TSC22D2: variants seen among roughly 807,000 people sequenced by gnomAD.
TSC22D2 encodes TSC22 domain family protein 2.
TSC22D2 carries 5 observed loss-of-function variants against 50.1 expected under a neutral mutation model. That is an observed-to-expected ratio of 0.10 (90% CI 0.05 to 0.21). The LOEUF (loss-of-function observed/expected upper bound fraction) is 0.21. Ranked by LOEUF, TSC22D2 falls within the 10% of genes least tolerant of loss-of-function variation. TSC22D2 has a pLI of 1.00. For missense variants in TSC22D2, 1,003 were observed against 1,015.5 expected (o/e 0.99, Z 0.17); for synonymous variants, 501 against 450.1 (o/e 1.11, Z -1.43).
chr3:150,435,978 A>G (rs1720526958), intron 1 of TSC22D2, among the ~76,000 whole-genome samples: 1 of 152,170 alleles, frequency 6.6e-6, no homozygotes, highest in Non-Finnish European at 1.5e-5. Context: ...TTTGAAGGGT[A>G]TCTGGTTAAT....
Position 150,462,207 on chromosome 3 carries a change from C to G in TSC22D2, c.*3571C>G, listed in dbSNP as rs1296502847. 1.3e-5 allele frequency: 2 copies of G among 152,076 alleles called. No homozygotes were observed. Among genetic ancestry groups the G allele is most frequent in the East Asian group, 1.9e-4 (1 of 5,180 alleles). 9.4% of individuals were successfully genotyped at this position (152,076 alleles called of 1,614,324 possible). A position where few individuals can be genotyped will look rare whatever the true frequency, so the allele number is the denominator to read the frequency against. On this transcript the variant is annotated 3_prime_UTR_variant, in exon 3 of 3. Coordinates refer to ENST00000688009, the MANE Select transcript of TSC22D2 (RefSeq NM_001303264.2). ...CATAAGAGCCAGAGGGAAGGGTGTT[C>G]CAAGCACAAGAAAAGAGAACTCAAT...
intron 1 of TSC22D2, among the ~76,000 whole-genome samples, chr3:150,452,468 T>C (rs11928577): frequency 0.15 from 22,629 of 151,352 alleles, 1,873 homozygotes; most frequent in Non-Finnish European, 0.2. Flanking sequence ...GAGAGAGAGA[T>C]TAAATTAGAT....
At chr3:150,428,816 T>G (rs1440004576) in intron 1 of TSC22D2, among the ~76,000 whole-genome samples, 1 of 152,174 alleles carries the variant, frequency 6.6e-6, no homozygotes, top group Admixed American at 6.5e-5. Flanking sequence ...CAGGGGTATT[T>G]CAACAGGCAG....
rs908714497 is a variant in TSC22D2, at chr3:150,463,738, C to T, written c.*5102C>T. 3 of 152,160 alleles carry T rather than the reference C, an allele frequency of 2.0e-5. No individual in the cohort carries two copies. The highest frequency in any genetic ancestry group is 6.5e-5 in the Admixed American group (1 of 15,270). 9.4% of individuals were successfully genotyped at this position (152,160 alleles called of 1,614,324 possible). A position where few individuals can be genotyped will look rare whatever the true frequency, so the allele number is the denominator to read the frequency against. The stretch of plus-strand genomic sequence containing the variant: ...AGACATTCTTGCTTGCCCACCACCC[C>T]CCCGAACCCCGCCATGGAATCATCA... On this transcript the variant is annotated 3_prime_UTR_variant, in exon 3 of 3. Coordinates refer to ENST00000688009, the MANE Select transcript of TSC22D2 (RefSeq NM_001303264.2).
intron 1 of TSC22D2, among the ~76,000 whole-genome samples, chr3:150,412,286 T>C (rs926919727): frequency 2.0e-5 from 3 of 152,192 alleles, no homozygotes; most frequent in African/African-American, 7.2e-5. Flanking sequence ...TTAAAAATTA[T>C]AGAAAAAGTT....
At position 150,409,941 on chromosome 3, in the gene TSC22D2, A is replaced by T; in HGVS notation, c.591A>T (p.Arg197Ser). 6.2e-7 allele frequency: 1 copy of T among 1,613,976 alleles called. No homozygotes were observed. The highest frequency in any genetic ancestry group is 1.1e-5 in the South Asian group (1 of 91,088). The change falls in exon 1 of 3, where the codon AGA becomes AGT. Residue 197 changes from arginine to serine, a missense_variant. Around this residue, in one of 6 missense-constraint regions of TSC22D2, gnomAD observed 696 missense variants for 647.8 expected, o/e 1.07. Coordinates refer to ENST00000688009, the MANE Select transcript of TSC22D2 (RefSeq NM_001303264.2). This position sits in a 1 kb window ranked among gnomAD's most constrained non-coding sequence, Gnocchi z 7.4. ...ATTCAGACAGCAGCGTCCTGACTAGATCCGGGGATTGCATTAGACACAGCA... is the reference window on the plus strand; with the variant it reads ...ATTCAGACAGCAGCGTCCTGACTAGTTCCGGGGATTGCATTAGACACAGCA... ...ERDSDSSVLT[R>S]SGDCIRHSST...
chr3:150,410,297 G>T lies in TSC22D2; in HGVS notation c.947G>T (p.Gly316Val), dbSNP rs751254071. The T allele has an allele frequency of 1.9e-6, 3 of 1,565,278 alleles. No homozygotes were observed. The highest frequency in any genetic ancestry group is 2.6e-6 in the Non-Finnish European group (3 of 1,155,392). ...MAAAQPSQPQGAGPGGQTLPP... is the reference protein window; with the variant it reads ...MAAAQPSQPQVAGPGGQTLPP... ...GCCGCGCAGCCCAGCCAGCCCCAGG[G>T]AGCGGGGCCCGGGGGACAGACTCTG... The change falls in exon 1 of 3, where the codon GGA (glycine) becomes GTA (valine). Residue 316 changes from glycine to valine, a missense_variant. Transcript: ENST00000688009.
chr3:150,422,740 A>G (rs1233897481), intron 1 of TSC22D2, among the ~76,000 whole-genome samples: 1 of 152,222 alleles, frequency 6.6e-6, no homozygotes, highest in Non-Finnish European at 1.5e-5. Context: ...AGTGTTGATT[A>G]GGCTATGAAT....
At chr3:150,447,933 G>T (rs1323378495) in intron 1 of TSC22D2, among the ~76,000 whole-genome samples, 1 of 152,094 alleles carries the variant, frequency 6.6e-6, no homozygotes, top group Non-Finnish European at 1.5e-5. Context: ...CCCTTGGTAT[G>T]TATTATTCAC....
intron 1 of TSC22D2, among the ~76,000 whole-genome samples, chr3:150,411,528 G>C (rs543815586): frequency 1.5e-4 from 23 of 152,240 alleles, no homozygotes; most frequent in Admixed American, 3.3e-4. Flanking sequence ...AAAATGGGTA[G>C]GGATGCAACA....
At chr3:150,449,738 A>G (rs547983883) in intron 1 of TSC22D2, among the ~76,000 whole-genome samples, 2 of 152,252 alleles carry the variant, frequency 1.3e-5, no homozygotes, top group Admixed American at 1.3e-4. Context: ...AAGATGAATG[A>G]TTGCTGGCTC....
At chr3:150,414,685 AT>A (rs1263049114) in intron 1 of TSC22D2, among the ~76,000 whole-genome samples, 1 of 152,124 alleles carries the variant, frequency 6.6e-6, no homozygotes, top group East Asian at 1.9e-4. Flanking sequence ...ATAAATACAC[AT>A]TTTGTTTGTA....
In TSC22D2 at chr3:150,410,714, C is replaced by T; in HGVS notation, c.1364C>T (p.Thr455Ile). ...QGGQVAPCQP[T>I]GVPPATVGGV... is the part of the protein sequence containing the mutation. ...GGGCAGGTCGCGCCTTGTCAGCCGA[C>T]TGGAGTGCCCCCGGCTACTGTGGGA... The change falls in exon 1 of 3, where the codon ACT becomes ATT. Residue 455 changes from threonine to isoleucine, a missense_variant. Physicochemically the swap from Thr to Ile is moderately conservative, Grantham distance 89. Transcript: ENST00000688009. 1 of 1,585,430 alleles carries T rather than the reference C, an allele frequency of 6.3e-7. No individual in the cohort carries two copies. Among genetic ancestry groups the T allele is most frequent in the East Asian group, 2.3e-5 (1 of 43,006 alleles).
intron 1 of TSC22D2, among the ~76,000 whole-genome samples, chr3:150,454,137 G>T (rs1054625801): frequency 1.3e-5 from 2 of 152,124 alleles, no homozygotes; most frequent in Admixed American, 6.5e-5. Context: ...CAGAAAGGAT[G>T]GAGTAATTGG....
rs1257963660 is a variant in TSC22D2, at chr3:150,462,245, T to A, written c.*3609T>A. 1 of 152,164 alleles carries A rather than the reference T, an allele frequency of 6.6e-6. No individual in the cohort carries two copies. The highest frequency in any genetic ancestry group is 2.4e-5 in the African/African-American group (1 of 41,422). The allele number at this position is 152,164 out of a possible 1,614,324, so 9.4% of individuals were successfully genotyped here. On this transcript the variant is annotated 3_prime_UTR_variant, in exon 3 of 3. Coordinates refer to ENST00000688009, the MANE Select transcript of TSC22D2 (RefSeq NM_001303264.2). ...AAGAGAACTCAATGGCTTAAAAGTATAAACAAGGCTCCTAGGGCAGCCACA... is the reference window on the plus strand; with the variant it reads ...AAGAGAACTCAATGGCTTAAAAGTAAAAACAAGGCTCCTAGGGCAGCCACA...
intron 1 of TSC22D2, among the ~76,000 whole-genome samples, chr3:150,430,320 G>A (rs1489441576): frequency 2.6e-5 from 4 of 152,124 alleles, no homozygotes; most frequent in Non-Finnish European, 4.4e-5. Flanking sequence ...TTTGGTAGGT[G>A]TATAACATTT....
At chr3:150,417,436 A>G (rs554599269) in intron 1 of TSC22D2, among the ~76,000 whole-genome samples, 5 of 152,214 alleles carry the variant, frequency 3.3e-5, no homozygotes, top group African/African-American at 1.2e-4. Flanking sequence ...AAAACAAAGG[A>G]GGGAGGAGCT....
At chr3:150,449,860 G>A (rs1720989643) in intron 1 of TSC22D2, among the ~76,000 whole-genome samples, 1 of 151,990 alleles carries the variant, frequency 6.6e-6, no homozygotes, top group Non-Finnish European at 1.5e-5. Flanking sequence ...TTATGATTCA[G>A]ATGTTGAGTA....
In TSC22D2 at chr3:150,410,081, G is replaced by T. The variant is rs753817175; in HGVS notation, c.731G>T (p.Ser244Ile). The T allele has an allele frequency of 2.5e-6, 4 of 1,613,018 alleles. No individual in the cohort carries two copies. The African/African-American group carries it at 5.3e-5, about 21-fold the overall frequency. The change falls in exon 1 of 3, where the codon AGC becomes ATC. Residue 244 changes from serine (S) to isoleucine (I), a missense_variant. Transcript: ENST00000688009. ...GAHGPESGTD[S>I]SLTAVSQLPP... ...CACGGGCCCGAGTCGGGAACTGACA[G>T]CTCCTTGACTGCTGTGTCACAGCTA...
Sources: allele counts gnomAD v4.1 joint callset (sites outside exome capture counted in the v4.1 genomes callset), GRCh38; gene constraint gnomAD v4.1.1; regional missense constraint gnomAD v4.1.1; non-coding constraint Gnocchi (gnomAD v3.1); transcripts MANE v1.5; gene names NCBI Gene and HGNC (gene_info 2026-07-23, HGNC 2026-07-21).